Variants in CSMD1 observed in about 807,000 individuals in gnomAD.
The protein encoded by CSMD1 is CUB and Sushi multiple domains 1, also known as CUB and sushi domain-containing protein 1.
In CSMD1, 213 loss-of-function variants were observed where a neutral mutation model predicts 417.5. The observed-to-expected ratio is 0.51, with a 90% CI of 0.46 to 0.57. The LOEUF is 0.57. Among genes scored for constraint, CSMD1 ranks in the 20% least tolerant of loss-of-function variants. The probability of loss-of-function intolerance (pLI) is 0.00; values close to 1 mark genes in which losing one functional copy is unlikely to be tolerated. For synonymous variants in CSMD1, 2,862 were observed against 1,736.8 expected (o/e 1.65, Z -16.11); for missense variants, 6,923 against 4,529.7 (o/e 1.53, Z -15.17).
intron 3 of CSMD1, among the ~76,000 whole-genome samples, chr8:4,384,341 C>T (rs74982883): frequency 6.6e-6 from 1 of 152,120 alleles, no homozygotes; most frequent in African/African-American, 2.4e-5. Context: ...AACGCACACA[C>T]CACAATGCAA....
At chr8:4,182,044 C>G (rs2552106) in intron 3 of CSMD1, among the ~76,000 whole-genome samples, 80,640 of 124,670 alleles carry the variant, frequency 0.65, 21,828 homozygotes, top group East Asian at 0.69. Flanking sequence ...GTGTGTGTGT[C>G]GGTGTGTGTG....
intron 3 of CSMD1, among the ~76,000 whole-genome samples, chr8:4,081,450 C>A (rs950178717): frequency 6.6e-6 from 1 of 152,122 alleles, no homozygotes; most frequent in African/African-American, 2.4e-5. Flanking sequence ...TCTGGGGACT[C>A]CAGCCACGGT....
At chr8:4,033,767 C>T (rs1308865917) in intron 3 of CSMD1, among the ~76,000 whole-genome samples, 1 of 152,124 alleles carries the variant, frequency 6.6e-6, no homozygotes, top group Non-Finnish European at 1.5e-5. Context: ...TCTTTTTGGT[C>T]CTCTCACTTT....
rs117683675 is a variant in CSMD1 at position 3,944,152 on chromosome 8, A to T, written c.818+53751T>A. Reference sequence around the variant, plus strand: ...GGAATCTTAGTGAAGGCTACACAGAATTTTTTTACTGTTTATGCAACACTT... The same window carrying T: ...GGAATCTTAGTGAAGGCTACACAGATTTTTTTTACTGTTTATGCAACACTT... On this transcript the variant is annotated intron_variant, in intron 5 of 69. Coordinates refer to ENST00000635120, the MANE Select transcript of CSMD1 (RefSeq NM_033225.6). Among the ~76,000 whole-genome samples the T allele has an allele frequency of 7.9e-5, 12 of 152,208 alleles. No individual in the cohort carries two copies. The East Asian group carries it at 1.9e-3, about 24-fold the overall frequency.
chr8:3,348,633 C>T (rs544856055), intron 21 of CSMD1, among the ~76,000 whole-genome samples: 8 of 152,168 alleles, frequency 5.3e-5, no homozygotes, highest in Admixed American at 2.0e-4. Flanking sequence ...GGGAATCTAA[C>T]GACAGACCAA....
chr8:3,467,356 C>T (rs1450406972), intron 12 of CSMD1, among the ~76,000 whole-genome samples: 1 of 152,122 alleles, frequency 6.6e-6, no homozygotes, highest in East Asian at 1.9e-4. Flanking sequence ...CAGATTCTAC[C>T]AAAGGCAGCA....
chr8:4,888,203 TA>T (rs771652803), intron 1 of CSMD1, among the ~76,000 whole-genome samples: 11 of 151,730 alleles, frequency 7.2e-5, no homozygotes, highest in Non-Finnish European at 1.2e-4. Context: ...TGAAGTATAA[TA>T]AAAGAAAGAA....
chr8:3,183,659 C>T (rs1273834474), intron 36 of CSMD1, among the ~76,000 whole-genome samples: 9 of 152,162 alleles, frequency 5.9e-5, no homozygotes, highest in African/African-American at 1.7e-4. Flanking sequence ...ACGAACTGAA[C>T]GCCTAATCTA....
At chr8:3,427,334 T>C (rs1325422583) in intron 12 of CSMD1, among the ~76,000 whole-genome samples, 1 of 152,136 alleles carries the variant, frequency 6.6e-6, no homozygotes, top group East Asian at 1.9e-4. Context: ...TGGAAATGAA[T>C]CAGTACTGAT....
rs1191767731 is a variant in CSMD1, at chr8:4,799,410, A to G, written c.86-161852T>C. Reference sequence around the variant, plus strand: ...TAAAATAGTCATCCTCAGCCCGGCCACCATGGCAAAACCCCCTCTCTACTA... The same window carrying G: ...TAAAATAGTCATCCTCAGCCCGGCCGCCATGGCAAAACCCCCTCTCTACTA... On this transcript the variant is annotated intron_variant, in intron 1 of 69. Transcript: ENST00000635120. 5.9e-5 allele frequency among the ~76,000 whole-genome samples: 9 copies of G among 152,068 alleles called. 1 individual carries two copies. The highest frequency in any genetic ancestry group is 5.9e-4 in the Admixed American group (9 of 15,282).
intron 3 of CSMD1, among the ~76,000 whole-genome samples, chr8:4,096,939 A>G (rs1478654653): frequency 6.6e-6 from 1 of 152,194 alleles, no homozygotes; most frequent in Non-Finnish European, 1.5e-5. Flanking sequence ...CACCCCAAAA[A>G]CAAACGCCAT....
At chr8:3,315,809 CTT>C (rs527403622) in intron 23 of CSMD1, among the ~76,000 whole-genome samples, 1 of 152,116 alleles carries the variant, frequency 6.6e-6, no homozygotes, top group Non-Finnish European at 1.5e-5. Context: ...ATCAAGCAAA[CTT>C]TTAATAAATC....
chr8:4,150,023 C>T (rs1455908719), intron 3 of CSMD1, among the ~76,000 whole-genome samples: 1 of 152,166 alleles, frequency 6.6e-6, no homozygotes, highest in African/African-American at 2.4e-5. Context: ...AAAATATCCT[C>T]AACGCTGCAC....
chr8:3,709,030 C>T (rs551540141), intron 6 of CSMD1, among the ~76,000 whole-genome samples: 1 of 152,226 alleles, frequency 6.6e-6, no homozygotes, highest in African/African-American at 2.4e-5. Context: ...ACCACCAGTC[C>T]CTCCAGACGC....
At chr8:4,796,140 A>C (rs1184447059) in intron 1 of CSMD1, among the ~76,000 whole-genome samples, 1 of 152,030 alleles carries the variant, frequency 6.6e-6, no homozygotes, top group Admixed American at 6.6e-5. Context: ...GGACCAAAAA[A>C]ACTTAAGCCT....
intron 25 of CSMD1, among the ~76,000 whole-genome samples, chr8:3,300,313 A>T (rs1283522374): frequency 6.6e-6 from 1 of 152,178 alleles, no homozygotes. Flanking sequence ...CACCTTTTCA[A>T]GTGTAGTTTT....
chr8:3,477,462 T>G (rs1019812982), intron 11 of CSMD1, among the ~76,000 whole-genome samples: 3 of 152,168 alleles, frequency 2.0e-5, no homozygotes, highest in African/African-American at 2.4e-5. Context: ...CTACTTGCCT[T>G]AATTGGGTAG....
At chr8:3,964,472 T>C (rs759336665) in intron 5 of CSMD1, among the ~76,000 whole-genome samples, 1 of 152,158 alleles carries the variant, frequency 6.6e-6, no homozygotes, top group Non-Finnish European at 1.5e-5. Context: ...GTATGCCTCA[T>C]TTTGCCGCAT....
chr8:3,431,396 G>A (rs757938448), intron 12 of CSMD1, among the ~76,000 whole-genome samples: 2 of 152,124 alleles, frequency 1.3e-5, no homozygotes. Context: ...TTGCTTTAGT[G>A]TGCCGCTTTT....
Sources: gnomAD v4.1 joint callset for allele counts (sites outside exome capture counted in the v4.1 genomes callset) on GRCh38, gnomAD v4.1.1 for gene constraint, MANE v1.5 for transcripts, NCBI Gene and HGNC (gene_info 2026-07-23, HGNC 2026-07-21) for gene names.